The following ROBO2 variants were observed in gnomAD, a reference collection of about 807,000 sequenced individuals.
The protein encoded by ROBO2 is roundabout guidance receptor 2, also known as roundabout homolog 2.
ROBO2 carries 53 observed loss-of-function variants against 160.8 expected under a neutral mutation model. The observed-to-expected ratio is 0.33, with a 90% confidence interval of 0.26 to 0.41. The LOEUF (loss-of-function observed/expected upper bound fraction) is 0.41, where lower values mean the gene tolerates loss of function less well. Among genes scored for constraint, ROBO2 ranks in the 10% least tolerant of loss-of-function variants. ROBO2 has a pLI of 1.00. For missense variants in ROBO2, 1,577 were observed against 1,722.4 expected (o/e 0.92, Z 1.49); for synonymous variants, 664 against 611.7 (o/e 1.09, Z -1.26).
intron 2 of ROBO2, among the ~76,000 whole-genome samples, chr3:76,833,977 T>TTTTC (rs1188360843): frequency 2.8e-4 from 31 of 109,234 alleles, no homozygotes; most frequent in East Asian, 8.1e-4. Context: ...TTTCTCTTTC[T>TTTTC]TTTCTTTCTT....
exon 13 of ROBO2, chr3:77,568,341 C>T (rs780263501): frequency 1.9e-6 from 3 of 1,612,796 alleles, no homozygotes; most frequent in African/African-American, 2.7e-5. Flanking sequence ...AAGGAGTGGA[C>T]CACAGGCAAG....
intron 5 of ROBO2, among the ~76,000 whole-genome samples, chr3:77,511,309 T>G (rs1347278419): frequency 1.3e-5 from 2 of 151,274 alleles, no homozygotes; most frequent in East Asian, 3.9e-4. Flanking sequence ...TTGAAAGGAG[T>G]TCTGGTTTAG....
At position 76,274,862 on chromosome 3, in the gene ROBO2, G is replaced by C. The variant is rs868138561; in HGVS notation, c.109+337260G>C. ...AAAAAAAAAAAAAAAAGAATGAAAG[G>C]AAATATAGCAACATTATTTAATCAT... On this transcript the variant is annotated intron_variant, in intron 2 of 26. Coordinates refer to the ROBO2 transcript ENST00000487694. 9.3e-5 allele frequency among the ~76,000 whole-genome samples: 14 copies of C among 151,200 alleles called. No homozygotes were observed. The Middle Eastern group carries it at 0.01, about 111-fold the overall frequency.
intron 2 of ROBO2, among the ~76,000 whole-genome samples, chr3:77,319,283 T>C (rs1342944696): frequency 6.6e-6 from 1 of 152,172 alleles, no homozygotes; most frequent in African/African-American, 2.4e-5. Flanking sequence ...AAAGAATTAA[T>C]CATTCTTTTA....
At chr3:76,650,651 C>T (rs190504524) in intron 2 of ROBO2, among the ~76,000 whole-genome samples, 2 of 152,182 alleles carry the variant, frequency 1.3e-5, no homozygotes, top group East Asian at 3.9e-4. Context: ...ATCACATTTT[C>T]CTCACATAAA....
chr3:76,061,422 T>C (rs951695815), intron 2 of ROBO2, among the ~76,000 whole-genome samples: 1 of 152,222 alleles, frequency 6.6e-6, no homozygotes, highest in Non-Finnish European at 1.5e-5. Context: ...TTTTTACTTT[T>C]AAAGGAACCT....
intron 2 of ROBO2, among the ~76,000 whole-genome samples, chr3:77,029,283 T>A (rs555274551): frequency 6.6e-6 from 1 of 152,286 alleles, no homozygotes; most frequent in Non-Finnish European, 1.5e-5. Context: ...CCAAGATAGA[T>A]CATATGTTAG....
At chr3:76,443,767 G>C (rs1279904678) in intron 2 of ROBO2, among the ~76,000 whole-genome samples, 5 of 152,054 alleles carry the variant, frequency 3.3e-5, no homozygotes. Flanking sequence ...TCAGAATCTA[G>C]AATGTAGCTT....
intron 2 of ROBO2, among the ~76,000 whole-genome samples, chr3:76,768,621 T>C (rs1328478275): frequency 6.6e-6 from 1 of 150,816 alleles, no homozygotes; most frequent in African/African-American, 2.4e-5. Flanking sequence ...TTTTAAAGAA[T>C]AAAGATTTAA....
chr3:76,327,650 G>C lies in ROBO2; in HGVS notation c.109+390048G>C, dbSNP rs74544102. ...ATAAATATAAACACTAATTTTGAAT[G>C]GCTTAAATATCATTGGCATCATTTC... On this transcript the variant is annotated intron_variant, in intron 2 of 26. Coordinates refer to the ROBO2 transcript ENST00000487694. Among the ~76,000 whole-genome samples, 492 of 151,722 alleles carry C rather than the reference G, an allele frequency of 3.2e-3. 17 individuals are homozygous for C. The East Asian group carries it at 0.088, about 27-fold the overall frequency.
intron 2 of ROBO2, among the ~76,000 whole-genome samples, chr3:76,828,788 T>C (rs906148483): frequency 1.7e-4 from 26 of 152,146 alleles, no homozygotes; most frequent in African/African-American, 6.3e-4. Flanking sequence ...TTGGATCTGA[T>C]CTTTGTAGGG....
chr3:76,141,073 A>ATATATATATATATATATATATATT (rs1469045631), intron 2 of ROBO2, among the ~76,000 whole-genome samples: 2 of 119,050 alleles, frequency 1.7e-5, no homozygotes, highest in Non-Finnish European at 3.5e-5. Context: ...ATATATATAT[A>ATATATATATATATATATATATATT]TATAAAATAT....
chr3:76,901,950 A>G (rs2075270957), intron 2 of ROBO2, among the ~76,000 whole-genome samples: 1 of 151,912 alleles, frequency 6.6e-6, no homozygotes, highest in Non-Finnish European at 1.5e-5. Flanking sequence ...AAAACCCAAT[A>G]TATGTCCTTC....
chr3:76,828,010 C>G (rs1226330478), intron 2 of ROBO2, among the ~76,000 whole-genome samples: 1 of 152,062 alleles, frequency 6.6e-6, no homozygotes, highest in Non-Finnish European at 1.5e-5. Context: ...GAGTTGTAAA[C>G]AGAAGATAAG....
intron 2 of ROBO2, among the ~76,000 whole-genome samples, chr3:76,770,619 C>T (rs1472960397): frequency 6.6e-6 from 1 of 151,198 alleles, no homozygotes; most frequent in Non-Finnish European, 1.5e-5. Flanking sequence ...TTTACTTACT[C>T]AGCAGGCACA....
chr3:76,408,981 G>A (rs749692271), intron 2 of ROBO2, among the ~76,000 whole-genome samples: 79 of 152,004 alleles, frequency 5.2e-4, no homozygotes, highest in East Asian at 2.3e-3. Context: ...ATACACTAGG[G>A]TGTAGAAAAT....
At chr3:75,994,622 C>A (rs1309449949) in intron 2 of ROBO2, among the ~76,000 whole-genome samples, 3 of 152,166 alleles carry the variant, frequency 2.0e-5, no homozygotes, top group Admixed American at 2.0e-4. Context: ...CTTTTCTTTA[C>A]AAATTATCCA....
chr3:76,017,314 A>C (rs1320395314), intron 2 of ROBO2, among the ~76,000 whole-genome samples: 1 of 152,190 alleles, frequency 6.6e-6, no homozygotes, highest in Non-Finnish European at 1.5e-5. Context: ...GTGACAGCTC[A>C]CAGTATATTT....
chr3:75,993,669 T>C (rs1424801626), intron 2 of ROBO2, among the ~76,000 whole-genome samples: 1 of 152,200 alleles, frequency 6.6e-6, no homozygotes, highest in Non-Finnish European at 1.5e-5. Context: ...TCGCTTCCTG[T>C]AGAGTTTCTT....
Sources: gnomAD v4.1 joint callset for allele counts (sites outside exome capture counted in the v4.1 genomes callset) on GRCh38, gnomAD v4.1.1 for gene constraint, MANE v1.5 for transcripts, NCBI Gene and HGNC (gene_info 2026-07-23, HGNC 2026-07-21) for gene names.